ARHGEF6: variants seen among roughly 807,000 people sequenced by gnomAD.
The protein encoded by ARHGEF6 is Rac/Cdc42 guanine nucleotide exchange factor 6, also known as rho guanine nucleotide exchange factor 6.
Under a neutral mutation model 70.3 loss-of-function variants are expected in ARHGEF6, and 9 were observed. The ratio of observed to expected loss-of-function variants is 0.13; its 90% confidence interval spans 0.08 to 0.22. The LOEUF (loss-of-function observed/expected upper bound fraction) is 0.22, where lower values mean the gene tolerates loss of function less well. Among genes scored for constraint, ARHGEF6 ranks in the 10% least tolerant of loss-of-function variants. ARHGEF6 has a pLI of 1.00. For missense variants in ARHGEF6, 470 were observed against 563.0 expected, an observed-to-expected ratio of 0.83 and a Z score of 1.67; for synonymous variants, 201 against 207.8, an observed-to-expected ratio of 0.97 and a Z score of 0.28.
intron 2 of ARHGEF6, among the ~76,000 whole-genome samples, chrX:136,759,414 C>T (rs1489453208): frequency 5.4e-5 from 6 of 110,821 alleles, no homozygotes; most frequent in Admixed American, 9.6e-5. Flanking sequence ...CCGAGGGGGG[C>T]GGATCACTTG....
Position 136,751,117 on chromosome X carries a change from G to A in ARHGEF6, c.250-3525C>T, listed in dbSNP as rs200846618. On this transcript the variant is annotated intron_variant, in intron 2 of 21. Coordinates refer to ENST00000250617, the MANE Select transcript of ARHGEF6 (RefSeq NM_004840.3). ...CTGCTAAAGTGCTGGGATTACAGGC[G>A]TGAGCCACCGCGCCCAGCCCAGACA... Among the ~76,000 whole-genome samples the A allele has an allele frequency of 8.1e-5, 9 of 111,685 alleles. No homozygotes were observed. In the East Asian group the frequency reaches 2.0e-3, roughly 24 times the overall value.
chrX:136,760,712 A>G (rs476774), intron 2 of ARHGEF6, among the ~76,000 whole-genome samples: 1 of 109,937 alleles, frequency 9.1e-6, no homozygotes, highest in Non-Finnish European at 1.9e-5. Flanking sequence ...CAACTATGCC[A>G]AATTCATCAG....
intron 21 of ARHGEF6, 123 bp downstream of exon 21, chrX:136,669,359 A>C: frequency 1.6e-6 from 1 of 609,458 alleles, no homozygotes; most frequent in Non-Finnish European, 2.7e-6. Context: ...TTGATGACAC[A>C]AGGAAAACAA....
intron 5 of ARHGEF6, among the ~76,000 whole-genome samples, chrX:136,734,896 C>T (rs893211593): frequency 7.2e-5 from 8 of 111,842 alleles, no homozygotes; most frequent in Admixed American, 4.7e-4. Context: ...ATAATATTAA[C>T]CGATGCAGAA....
chrX:136,732,850 A>G (rs1446752338), intron 5 of ARHGEF6, among the ~76,000 whole-genome samples: 1 of 111,522 alleles, frequency 9.0e-6, no homozygotes, highest in Non-Finnish European at 1.9e-5. Flanking sequence ...CCCCATTGTA[A>G]GCCAAGAAGC....
intron 9 of ARHGEF6, among the ~76,000 whole-genome samples, chrX:136,696,161 T>C (rs1284020971): frequency 9.0e-6 from 1 of 111,076 alleles, no homozygotes; most frequent in East Asian, 2.8e-4. Context: ...AGTGGTAGAA[T>C]TGTGAAGTGA....
At chrX:136,725,848 A>G (rs1450868095) in intron 6 of ARHGEF6, among the ~76,000 whole-genome samples, 1 of 110,926 alleles carries the variant, frequency 9.0e-6, no homozygotes, top group East Asian at 2.8e-4. Flanking sequence ...AAACCACAGG[A>G]AAAAAAAAGG....
chrX:136,748,709 G>T (rs1452260599), intron 2 of ARHGEF6, among the ~76,000 whole-genome samples: 1 of 111,822 alleles, frequency 8.9e-6, no homozygotes, highest in African/African-American at 3.3e-5. Context: ...GAAATAAAAT[G>T]TACCTTTTCA....
At chrX:136,727,667 G>A (rs1480999673) in intron 6 of ARHGEF6, among the ~76,000 whole-genome samples, 2 of 109,546 alleles carry the variant, frequency 1.8e-5, no homozygotes, top group Non-Finnish European at 3.8e-5. Flanking sequence ...CCAAGTAGCT[G>A]GGATTACAGG....
chrX:136,738,580 A>C (rs2077011053), intron 5 of ARHGEF6, among the ~76,000 whole-genome samples: 1 of 112,265 alleles, frequency 8.9e-6, no homozygotes, highest in Non-Finnish European at 1.9e-5. Flanking sequence ...TCTATCACTA[A>C]ACTTATCATA....
At chrX:136,743,253 G>GT (rs1284266880) in intron 5 of ARHGEF6, among the ~76,000 whole-genome samples, 1 of 94,311 alleles carries the variant, frequency 1.1e-5, no homozygotes, top group Non-Finnish European at 2.1e-5. Context: ...TTCTGCCATG[G>GT]TAAGTTTTAG....
At chrX:136,701,921 A>G (rs1385669716) in intron 9 of ARHGEF6, among the ~76,000 whole-genome samples, 1 of 109,567 alleles carries the variant, frequency 9.1e-6, no homozygotes, top group Non-Finnish European at 1.9e-5. Flanking sequence ...GTTAGCCAGG[A>G]TGGTCTCGAT....
At chrX:136,732,737 T>C (rs1603348561) in intron 5 of ARHGEF6, among the ~76,000 whole-genome samples, 1 of 112,038 alleles carries the variant, frequency 8.9e-6, no homozygotes, top group East Asian at 2.8e-4. Flanking sequence ...CTGAGCACAT[T>C]TAAGGTAGGC....
At chrX:136,718,506 C>G (rs985607041) in intron 6 of ARHGEF6, among the ~76,000 whole-genome samples, 1 of 111,522 alleles carries the variant, frequency 9.0e-6, no homozygotes, top group Non-Finnish European at 1.9e-5. Context: ...TTAACCCATT[C>G]TCATTCAAAG....
intron 6 of ARHGEF6, among the ~76,000 whole-genome samples, chrX:136,729,361 G>A (rs1168571557): frequency 1.4e-4 from 15 of 104,516 alleles, no homozygotes; most frequent in African/African-American, 3.2e-4. Context: ...CCAGCTACTC[G>A]GGAAGATGAG....
Position 136,716,537 on chromosome X carries a change from A to G in ARHGEF6, c.733-3167T>C, listed in dbSNP as rs543103998. Among the ~76,000 whole-genome samples, 15 of 112,140 alleles carry G rather than the reference A, an allele frequency of 1.3e-4. No individual in the cohort carries two copies. In the South Asian group the frequency reaches 5.5e-3, roughly 41 times the overall value. The stretch of plus-strand genomic sequence containing the variant: ...ATTATTTACCACAGTTCCTTTACCC[A>G]GTACATCATGTCAGGCTTCCAACAA... On this transcript the variant is annotated intron_variant, in intron 6 of 21. Transcript: ENST00000250617.
chrX:136,771,538 T>C, intron 2 of ARHGEF6, among the ~76,000 whole-genome samples: 1 of 112,521 alleles, frequency 8.9e-6, no homozygotes, highest in East Asian at 2.8e-4. Context: ...TGCAAAAGAA[T>C]GAATTTGGAC....
intron 2 of ARHGEF6, among the ~76,000 whole-genome samples, chrX:136,758,346 C>T (rs894894005): frequency 3.6e-5 from 4 of 109,608 alleles, no homozygotes; most frequent in African/African-American, 1.3e-4. Context: ...GCCACTGCGC[C>T]CGGCCAAAAA....
intron 9 of ARHGEF6, among the ~76,000 whole-genome samples, chrX:136,703,374 G>A (rs1384106426): frequency 1.8e-5 from 2 of 112,080 alleles, no homozygotes; most frequent in African/African-American, 3.2e-5. Context: ...GTACTTTATT[G>A]AACTTCACAG....
Sources: allele counts gnomAD v4.1 joint callset (sites outside exome capture counted in the v4.1 genomes callset), GRCh38; gene constraint gnomAD v4.1.1; transcripts MANE v1.5; gene names NCBI Gene and HGNC (gene_info 2026-07-23, HGNC 2026-07-21).